Variants in HOOK3 observed in about 807,000 individuals in gnomAD.
The protein encoded by HOOK3 is protein Hook homolog 3.
HOOK3 carries 24 observed loss-of-function variants against 116.3 expected under a neutral mutation model. The observed-to-expected ratio is 0.21, with a 90% CI of 0.15 to 0.29. The LOEUF (loss-of-function observed/expected upper bound fraction) is 0.29, where lower values mean the gene tolerates loss of function less well. Ranked by LOEUF, HOOK3 falls within the 10% of genes least tolerant of loss-of-function variation. The pLI, the probability that HOOK3 is intolerant of heterozygous loss-of-function variation, is 1.00. For synonymous variants in HOOK3, 275 were observed against 283.0 expected, an observed-to-expected ratio of 0.97 and a Z score of 0.28; for missense variants, 632 against 830.2, an observed-to-expected ratio of 0.76 and a Z score of 2.93.
intron 3 of HOOK3, 115 bp downstream of exon 3, chr8:42,925,744 G>A: frequency 1.5e-6 from 1 of 651,016 alleles, no homozygotes; most frequent in South Asian, 2.0e-5. Flanking sequence ...AGCCTGTAAT[G>A]AAATAATGTA....
intron 19 of HOOK3, among the ~76,000 whole-genome samples, chr8:43,012,033 A>T (rs1809623865): frequency 6.6e-6 from 1 of 152,218 alleles, no homozygotes; most frequent in East Asian, 1.9e-4. Context: ...TGATAGGCTT[A>T]CACCAGTCAG....
In HOOK3 at chr8:42,930,119, C is replaced by T; in HGVS notation, c.217-3C>T. 1.3e-6 allele frequency: 2 copies of T among 1,544,368 alleles called. No individual in the cohort carries two copies. Among genetic ancestry groups the T allele is most frequent in the Non-Finnish European group, 1.7e-6 (2 of 1,145,452 alleles). Reference sequence around the variant, plus strand: ...CCCAGTTGTTTTCTCTCTCTTTAAACAGATAAGCAATTTAAAGAAAATTTT... The same window carrying T: ...CCCAGTTGTTTTCTCTCTCTTTAAATAGATAAGCAATTTAAAGAAAATTTT... On this transcript the variant is annotated splice_region_variant and splice_polypyrimidine_tract_variant and intron_variant, in intron 3 of 21. Transcript: ENST00000307602.
intron 1 of HOOK3, among the ~76,000 whole-genome samples, chr8:42,905,314 G>GT (rs1807282009): frequency 1.0e-4 from 7 of 69,280 alleles, no homozygotes; most frequent in Admixed American, 2.7e-4. Flanking sequence ...TTTTTTTCCT[G>GT]TTTCTTTTTT....
intron 2 of HOOK3, among the ~76,000 whole-genome samples, chr8:42,923,972 T>C (rs988091385): frequency 2.6e-5 from 4 of 152,238 alleles, no homozygotes; most frequent in Non-Finnish European, 5.9e-5. Context: ...AATTTTTCTT[T>C]TTTCAGAATA....
chr8:42,940,290 G>T (rs574401974), intron 4 of HOOK3, among the ~76,000 whole-genome samples: 358 of 152,358 alleles, frequency 2.3e-3, no homozygotes, highest in African/African-American at 8.5e-3. Context: ...GACCAGCCCG[G>T]CCAACACAGC....
chr8:43,012,108 G>T (rs1177119272), intron 19 of HOOK3, among the ~76,000 whole-genome samples: 1 of 152,158 alleles, frequency 6.6e-6, no homozygotes, highest in Non-Finnish European at 1.5e-5. Context: ...TCAGAGGAAA[G>T]AAAAAGAGTA....
At chr8:42,946,837 C>T (rs556349234) in intron 5 of HOOK3, among the ~76,000 whole-genome samples, 3 of 140,348 alleles carry the variant, frequency 2.1e-5, no homozygotes, top group East Asian at 2.2e-4. Flanking sequence ...GGTGTGATCT[C>T]GGCTCATTGC....
chr8:42,954,132 G>T (rs1034360543), intron 6 of HOOK3, among the ~76,000 whole-genome samples: 1 of 152,054 alleles, frequency 6.6e-6, no homozygotes, highest in African/African-American at 2.4e-5. Flanking sequence ...GGTTTAAAAA[G>T]GTAGATAGAA....
At chr8:42,964,598 G>A (rs763369153) in intron 9 of HOOK3, 124 bp downstream of exon 9, 16 of 778,516 alleles carry the variant, frequency 2.1e-5, no homozygotes, top group Admixed American at 2.0e-4. Context: ...AGGCTGAGGC[G>A]GGCTGATCAC....
At chr8:42,949,709 A>C (rs986348512) in intron 5 of HOOK3, among the ~76,000 whole-genome samples, 7 of 152,040 alleles carry the variant, frequency 4.6e-5, no homozygotes. Flanking sequence ...CACGAGGTCA[A>C]GAGATTGAGA....
At position 42,966,710 on chromosome 8, in the gene HOOK3, T is replaced by C. The variant is rs1187525974; in HGVS notation, c.920+97T>C. ...TAGCAAACTTAAGAGCCAGGCTACC[T>C]GGGCTGGGATCCCGGGTCTACTGCT... On this transcript the variant is annotated intron_variant, in intron 10 of 21. Coordinates refer to ENST00000307602, the MANE Select transcript of HOOK3 (RefSeq NM_032410.4). 4.5e-6 allele frequency: 6 copies of C among 1,341,770 alleles called. No homozygotes were observed. In the East Asian group the frequency reaches 9.3e-5, roughly 21 times the overall value. 83.1% of individuals were successfully genotyped at this position (1,341,770 alleles called of 1,614,324 possible).
chr8:42,969,317 C>A (rs1485671070), intron 11 of HOOK3, among the ~76,000 whole-genome samples: 2 of 152,196 alleles, frequency 1.3e-5, no homozygotes. Context: ...ATCACCAGCA[C>A]ACAGTATTGG....
intron 5 of HOOK3, among the ~76,000 whole-genome samples, chr8:42,945,194 A>G (rs555952354): frequency 4.9e-4 from 74 of 152,356 alleles, no homozygotes; most frequent in Middle Eastern, 3.4e-3. Flanking sequence ...AAATGAGATC[A>G]TGTATATAGA....
chr8:42,921,380 A>G (rs1241192125), intron 2 of HOOK3, among the ~76,000 whole-genome samples: 1 of 152,172 alleles, frequency 6.6e-6, no homozygotes, highest in Non-Finnish European at 1.5e-5. Flanking sequence ...TTTAAGTGAT[A>G]GCTTTTTAGG....
At chr8:42,932,855 A>G (rs1220636420) in intron 4 of HOOK3, among the ~76,000 whole-genome samples, 1 of 152,186 alleles carries the variant, frequency 6.6e-6, no homozygotes, top group Non-Finnish European at 1.5e-5. Flanking sequence ...CCATACCTAT[A>G]TGATTCAGTA....
At chr8:42,978,272 C>T (rs945293081) in intron 13 of HOOK3, among the ~76,000 whole-genome samples, 3 of 152,074 alleles carry the variant, frequency 2.0e-5, no homozygotes, top group Non-Finnish European at 4.4e-5. Context: ...GATGGAGTTT[C>T]GCTCTTGTCA....
intron 6 of HOOK3, among the ~76,000 whole-genome samples, chr8:42,953,120 T>C (rs552101287): frequency 3.9e-5 from 6 of 151,964 alleles, no homozygotes; most frequent in Non-Finnish European, 8.8e-5. Flanking sequence ...GGGGTCCTTA[T>C]TCTAGATAGT....
At chr8:42,907,705 GAAGA>G (rs1371436348) in intron 2 of HOOK3, among the ~76,000 whole-genome samples, 7 of 145,958 alleles carry the variant, frequency 4.8e-5, no homozygotes, top group Admixed American at 2.9e-4. Flanking sequence ...AGAGAAACCA[GAAGA>G]AAGAAAGTAT....
chr8:42,970,782 C>CTTTTT (rs764513803), intron 11 of HOOK3, among the ~76,000 whole-genome samples: 5 of 93,892 alleles, frequency 5.3e-5, no homozygotes, highest in Admixed American at 1.1e-4. Context: ...GAATTTGGGT[C>CTTTTT]TTTTTTTTTT....
Sources: allele counts gnomAD v4.1 joint callset (sites outside exome capture counted in the v4.1 genomes callset), GRCh38; gene constraint gnomAD v4.1.1; transcripts MANE v1.5; gene names NCBI Gene and HGNC (gene_info 2026-07-23, HGNC 2026-07-21).